PLOD1: variants seen among roughly 807,000 people sequenced by gnomAD.
PLOD1 encodes the protein lysine hydroxylase.
A neutral mutation model predicts 94.7 loss-of-function variants in PLOD1; 70 were observed. The observed-to-expected ratio is 0.74, with a 90% CI of 0.61 to 0.90. The LOEUF is 0.90. PLOD1 is among the 40% of genes least tolerant of loss of function. PLOD1 has a pLI of 0.00. For synonymous variants in PLOD1, 417 were observed against 400.2 expected, an observed-to-expected ratio of 1.04 and a Z score of -0.50; for missense variants, 905 against 972.7, an observed-to-expected ratio of 0.93 and a Z score of 0.93.
Position 11,956,943 on chromosome 1 carries a change from G to C in PLOD1, c.670G>C (p.Gly224Arg). 1 of 1,613,708 alleles carries C rather than the reference G, an allele frequency of 6.2e-7. No homozygotes were observed. Among genetic ancestry groups the C allele is most frequent in the Non-Finnish European group, 8.5e-7 (1 of 1,179,728 alleles). Reference protein sequence around the residue: ...LDEVVLKFEMGHVRARNLAYD... With the variant: ...LDEVVLKFEMRHVRARNLAYD... ...TGAGGTCGTGCTCAAGTTTGAAATG[G>C]GCCATGTGAGAGCGAGGAACCTGGC... Residue 224 changes from glycine to arginine, a missense_variant, in exon 7 of 19, where the codon GGC becomes CGC. By Grantham distance (125) the Gly-to-Arg change is moderately radical. Transcript: ENST00000196061.
At chr1:11,956,821 A>C in intron 6 of PLOD1, 96 bp from the exon 7 acceptor site, 1 of 800,456 alleles carries the variant, frequency 1.2e-6, no homozygotes, top group Non-Finnish European at 2.3e-6. Context: ...GACATAATCT[A>C]CTCACTGCAC....
At chr1:11,948,847 A>G (rs1247398368) in intron 2 of PLOD1, among the ~76,000 whole-genome samples, 1 of 152,224 alleles carries the variant, frequency 6.6e-6, no homozygotes, top group Non-Finnish European at 1.5e-5. Context: ...CAGGGAGACG[A>G]GTATCCTGAG....
intron 6 of PLOD1, among the ~76,000 whole-genome samples, chr1:11,955,369 C>G (rs1250905100): frequency 1.3e-5 from 2 of 152,222 alleles, no homozygotes; most frequent in African/African-American, 4.8e-5. Context: ...CGCAGGTCTT[C>G]CTGTCTTCCT....
chr1:11,970,588 C>T lies in PLOD1; in HGVS notation c.1756-82C>T, dbSNP rs1008834743. 9 of 1,324,912 alleles carry T rather than the reference C, an allele frequency of 6.8e-6. No individual in the cohort carries two copies. The South Asian group carries it at 1.1e-4, about 16-fold the overall frequency. The allele number at this position is 1,324,912 out of a possible 1,614,324, so 82.1% of individuals were successfully genotyped here. On this transcript the variant is annotated intron_variant, in intron 16 of 18. Coordinates refer to ENST00000196061, the MANE Select transcript of PLOD1 (RefSeq NM_000302.4). ...TCATGTAATGTGGTCCGGTCACATTCCCGGGTGTAGGAGAGGGGAGTAGAC... is the reference window on the plus strand; with the variant it reads ...TCATGTAATGTGGTCCGGTCACATTTCCGGGTGTAGGAGAGGGGAGTAGAC...
In PLOD1 at chr1:11,949,680, A is replaced by G. The variant is rs899600120; in HGVS notation, c.169-93A>G. 11 of 1,364,932 alleles carry G rather than the reference A, an allele frequency of 8.1e-6. No homozygotes were observed. The South Asian group carries it at 8.4e-5, about 10-fold the overall frequency. The allele number at this position is 1,364,932 out of a possible 1,614,324, so 84.6% of individuals were successfully genotyped here. ...GGTGGTCCACACGTCTCGGCCTCCCAAAGTGCTGGGATTACCAGCATGAGC... is the reference window on the plus strand; with the variant it reads ...GGTGGTCCACACGTCTCGGCCTCCCGAAGTGCTGGGATTACCAGCATGAGC... On this transcript the variant is annotated intron_variant, in intron 2 of 18. Coordinates refer to ENST00000196061, the MANE Select transcript of PLOD1 (RefSeq NM_000302.4).
At chr1:11,962,958 T>G (rs1392021978) in intron 10 of PLOD1, among the ~76,000 whole-genome samples, 1 of 151,988 alleles carries the variant, frequency 6.6e-6, no homozygotes, top group African/African-American at 2.4e-5. Flanking sequence ...GGAGAATCGC[T>G]TGAACCCGGG....
Position 11,972,967 on chromosome 1 carries a change from C to G in PLOD1, c.1998C>G (p.Ile666Met). The G allele has an allele frequency of 6.2e-7, 1 of 1,614,086 alleles. No individual in the cohort carries two copies. The highest frequency in any genetic ancestry group is 8.5e-7 in the Non-Finnish European group (1 of 1,179,990). The part of the protein sequence containing the change: ...HHDASTFTIN[I>M]ALNRVGVDYE... ...ATGCCTCCACCTTCACCATCAACAT[C>G]GCCCTGAACCGAGTCGGGGTGGATT... Residue 666 changes from isoleucine (I) to methionine (M), a missense_variant, in exon 18 of 19, where the codon ATC becomes ATG. Ile to Met is a conservative substitution (Grantham distance 10). Transcript: ENST00000196061. This position sits in a 1 kb window ranked among gnomAD's most constrained non-coding sequence, Gnocchi z 4.6.
Position 11,958,607 on chromosome 1 carries a change from A to T in PLOD1, c.935A>T (p.His312Leu), listed in dbSNP as rs1303802658. 7 of 1,613,980 alleles carry T rather than the reference A, an allele frequency of 4.3e-6. No individual in the cohort carries two copies. The highest frequency in any genetic ancestry group is 5.9e-6 in the Non-Finnish European group (7 of 1,180,004). Residue 312 changes from histidine to leucine, a missense_variant, in exon 9 of 19, where the codon CAC becomes CTC. Coordinates refer to ENST00000196061, the MANE Select transcript of PLOD1 (RefSeq NM_000302.4). The surrounding 1 kb of genome is among the most constrained non-coding windows in gnomAD (Gnocchi z 4.3). ...SLFFQRLLRLHYPQKHMRLFI... is the reference protein window; with the variant it reads ...SLFFQRLLRLLYPQKHMRLFI... ...TTCTTCCAGCGGCTCCTGCGGCTCC[A>T]CTACCCCCAGAAACACATGCGACTT... is the stretch of plus-strand genomic sequence containing the variant.
rs1388774408 is a variant in PLOD1, at chr1:11,954,894, GT to G, written c.643+2del. The G allele has an allele frequency of 6.2e-7, 1 of 1,611,784 alleles. No homozygotes were observed. The highest frequency in any genetic ancestry group is 1.3e-5 in the African/African-American group (1 of 75,008). ...TTCCAGAACCTGGATGGAGCCTTGG[GT>G]GAGCAGCCCCCACGGGGAGGGGTGG... On this transcript the variant is annotated splice_donor_variant, in intron 6 of 18. Coordinates refer to ENST00000196061, the MANE Select transcript of PLOD1 (RefSeq NM_000302.4). LOFTEE classifies it high-confidence loss of function.
rs1470801835 is a variant in PLOD1 at position 11,965,586 on chromosome 1, A to G, written c.1577A>G (p.Asn526Ser). The change falls in exon 14 of 19, where the codon AAC (asparagine) becomes AGC (serine). Residue 526 changes from asparagine to serine, a missense_variant. Asn to Ser is a conservative substitution (Grantham distance 46). Transcript: ENST00000196061. ...LHNDLWEVFS[N>S]PEDWKEKYIH... ...AACGACCTCTGGGAGGTGTTCAGCA[A>G]CCCCGAGGTGAGGCCAGGGTGGGCA... 6.2e-7 allele frequency: 1 copy of G among 1,605,780 alleles called. No individual in the cohort carries two copies. The highest frequency in any genetic ancestry group is 1.1e-5 in the South Asian group (1 of 90,906).
Position 11,950,449 on chromosome 1 carries a change from T to C in PLOD1, c.395T>C (p.Ile132Thr), listed in dbSNP as rs1645691511. The C allele has an allele frequency of 1.2e-6, 2 of 1,614,166 alleles. No homozygotes were observed. Among genetic ancestry groups the C allele is most frequent in the East Asian group, 2.2e-5 (1 of 44,878 alleles). ...GTGGTCTTCTCTGCTGAGGAGCTCA[T>C]CTACCCAGACCGCAGGCTGGAGACC... ...SQVVFSAEEL[I>T]YPDRRLETKY... is the part of the protein sequence containing the mutation. Residue 132 changes from isoleucine (I) to threonine (T), a missense_variant, in exon 4 of 19, where the codon ATC becomes ACC. Coordinates refer to ENST00000196061, the MANE Select transcript of PLOD1 (RefSeq NM_000302.4).
At chr1:11,940,427 A>AC (rs1211389535) in intron 1 of PLOD1, among the ~76,000 whole-genome samples, 2 of 151,468 alleles carry the variant, frequency 1.3e-5, no homozygotes, top group East Asian at 1.9e-4. Context: ...TGTCGCCAGA[A>AC]CCCCCCCGCA....
chr1:11,972,558 C>T lies in PLOD1; in HGVS notation c.1903-314C>T, dbSNP rs186867386. 17 of 356,464 alleles carry T rather than the reference C, an allele frequency of 4.8e-5. No homozygotes were observed. Among genetic ancestry groups the T allele is most frequent in the Non-Finnish European group, 9.2e-5 (17 of 183,914 alleles). The allele number at this position is 356,464 out of a possible 1,614,324, so 22.1% of individuals were successfully genotyped here. A position where few individuals can be genotyped will look rare whatever the true frequency, so the allele number is the denominator to read the frequency against. ...GTGAGTACCATGTCCGGCCTCCTTC[C>T]CTTTCATTTCTTCTCTTCCCTTTCA... On this transcript the variant is annotated intron_variant, in intron 17 of 18. Coordinates refer to ENST00000196061, the MANE Select transcript of PLOD1 (RefSeq NM_000302.4). This position sits in a 1 kb window ranked among gnomAD's most constrained non-coding sequence, Gnocchi z 4.6.
intron 6 of PLOD1, among the ~76,000 whole-genome samples, chr1:11,956,507 G>T (rs1318847893): frequency 6.6e-6 from 1 of 152,172 alleles, no homozygotes; most frequent in East Asian, 1.9e-4. Context: ...TGTGGCTCTG[G>T]CATTTTCTCA....
chr1:11,949,130 G>A (rs747294835), intron 2 of PLOD1, among the ~76,000 whole-genome samples: 4 of 152,138 alleles, frequency 2.6e-5, no homozygotes, highest in Admixed American at 2.0e-4. Context: ...ACAGATTCAT[G>A]TGCCCCAGTT....
intron 13 of PLOD1, 65 bp downstream of exon 13, chr1:11,964,850 G>A: frequency 6.4e-7 from 1 of 1,552,634 alleles, no homozygotes. Context: ...TGGGCCTCCA[G>A]CTCTGACCCT....
chr1:11,954,190 CCAGGTG>C, intron 5 of PLOD1: 1 of 139,320 alleles, frequency 7.2e-6, no homozygotes, highest in Non-Finnish European at 1.6e-5. Flanking sequence ...GGAGTAGCGG[CCAGGTG>C]CGGTGGCTCA....
At chr1:11,943,524 T>C (rs1645629270) in intron 1 of PLOD1, among the ~76,000 whole-genome samples, 1 of 152,200 alleles carries the variant, frequency 6.6e-6, no homozygotes, top group South Asian at 2.1e-4. Context: ...CTCAAACTCC[T>C]GACCTCAGGT....
At chr1:11,968,561 TG>T (rs1487738906) in intron 16 of PLOD1, among the ~76,000 whole-genome samples, 1 of 151,486 alleles carries the variant, frequency 6.6e-6, no homozygotes, top group Admixed American at 6.6e-5. Context: ...TCGCCCAGGC[TG>T]GAGTGCAGTG....
Sources: gnomAD v4.1 joint callset for allele counts (sites outside exome capture counted in the v4.1 genomes callset) on GRCh38, gnomAD v4.1.1 for gene constraint, Gnocchi (gnomAD v3.1) non-coding constraint, MANE v1.5 for transcripts, NCBI Gene and HGNC (gene_info 2026-07-23, HGNC 2026-07-21) for gene names.